Variants in CACNA1I observed in about 807,000 individuals in gnomAD.
The protein encoded by CACNA1I is voltage-dependent T-type calcium channel subunit alpha-1I.
A neutral mutation model predicts 201.6 loss-of-function variants in CACNA1I; 74 were observed. The observed-to-expected ratio is 0.37, with a 90% CI of 0.30 to 0.45. The LOEUF is 0.45. Ranked by LOEUF, CACNA1I falls within the 20% of genes least tolerant of loss-of-function variation. CACNA1I has a pLI of 1.00. For synonymous variants in CACNA1I, 1,431 were observed against 1,345.2 expected (o/e 1.06, Z -1.40); for missense variants, 2,346 against 3,138.1 (o/e 0.75, Z 6.03).
chr22:39,665,938 C>T lies in CACNA1I; in HGVS notation c.4036C>T (p.Arg1346Cys), dbSNP rs1428316723. The part of the protein sequence containing the change: ...LGVDTRNITN[R>C]SDCMAANYRW... Reference sequence around the variant, plus strand: ...CGTGGACACCCGCAACATCACCAACCGCTCGGACTGCATGGCCGCCAACTA... The same window carrying T: ...CGTGGACACCCGCAACATCACCAACTGCTCGGACTGCATGGCCGCCAACTA... The change falls in exon 23 of 37, where the codon CGC becomes TGC. Residue 1346 changes from arginine to cysteine, a missense_variant. Physicochemically the swap from Arg to Cys is radical, Grantham distance 180. Transcript: ENST00000402142. This position sits in a 1 kb window ranked among gnomAD's most constrained non-coding sequence, Gnocchi z 5.5. 1.9e-6 allele frequency: 3 copies of T among 1,613,840 alleles called. No homozygotes were observed. Among genetic ancestry groups the T allele is most frequent in the Admixed American group, 1.7e-5 (1 of 60,034 alleles).
intron 1 of CACNA1I, among the ~76,000 whole-genome samples, chr22:39,591,023 T>C (rs1191388190): frequency 6.6e-6 from 1 of 151,794 alleles, no homozygotes; most frequent in East Asian, 1.9e-4. Context: ...AAAAAATTTT[T>C]TTTTTTTTTT....
intron 3 of CACNA1I, among the ~76,000 whole-genome samples, chr22:39,618,767 A>G (rs1050896708): frequency 1.3e-5 from 2 of 151,926 alleles, no homozygotes; most frequent in African/African-American, 2.4e-5. Context: ...GGCCGGGCCC[A>G]TCTCCCAGTC....
chr22:39,654,302 C>T (rs905835954), intron 10 of CACNA1I, among the ~76,000 whole-genome samples: 5 of 152,242 alleles, frequency 3.3e-5, no homozygotes, highest in Non-Finnish European at 7.3e-5. Context: ...CACACCCATG[C>T]AGGCCCTGAC....
In CACNA1I at chr22:39,685,794, C is replaced by T. The variant is rs577064389; in HGVS notation, c.6061C>T (p.Pro2021Ser). ...GAGCGACACGTCGCTGGACGCCAGC[C>T]CCAGCAGCTCCGCGGGCAGCCTGCA... is the stretch of plus-strand genomic sequence containing the variant. ...TGSDTSLDASPSSSAGSLQTT... is the reference protein window; with the variant it reads ...TGSDTSLDASSSSSAGSLQTT... Residue 2021 changes from proline (P) to serine (S), a missense_variant, in exon 37 of 37, where the codon CCC becomes TCC. Pro to Ser is a moderately conservative substitution (Grantham distance 74). Transcript: ENST00000402142. This position sits in a 1 kb window ranked among gnomAD's most constrained non-coding sequence, Gnocchi z 5.0. 3.8e-4 allele frequency: 566 copies of T among 1,495,674 alleles called. 2 individuals carry two copies. In the African/African-American group the frequency reaches 7.5e-3, roughly 20 times the overall value. 92.7% of individuals were successfully genotyped at this position (1,495,674 alleles called of 1,614,324 possible).
chr22:39,649,880 C>T lies in CACNA1I; in HGVS notation c.1947C>T (p.Ala649=). The change falls in exon 10 of 37, where the codon GCC becomes GCT. Residue 649 remains alanine, a synonymous_variant. Coordinates refer to ENST00000402142, the MANE Select transcript of CACNA1I (RefSeq NM_021096.4). The surrounding 1 kb of genome is among the most constrained non-coding windows in gnomAD (Gnocchi z 7.3). The stretch of plus-strand genomic sequence containing the variant: ...ACTTCAACCGGGGCATCATGATGGC[C>T]ATCCTGGTCAACACCGTCAGCATGG... ...SKYFNRGIMM[A]ILVNTVSMGI... 2 of 1,613,502 alleles carry T rather than the reference C, an allele frequency of 1.2e-6. No homozygotes were observed. Among genetic ancestry groups the T allele is most frequent in the Non-Finnish European group, 8.5e-7 (1 of 1,179,724 alleles).
At chr22:39,586,144 C>T (rs1015220153) in intron 1 of CACNA1I, among the ~76,000 whole-genome samples, 2 of 151,316 alleles carry the variant, frequency 1.3e-5, no homozygotes, top group Middle Eastern at 3.2e-3. Context: ...TGCCATTGTA[C>T]TCTAGTCTGG....
chr22:39,653,218 T>C (rs2146435709), intron 10 of CACNA1I, among the ~76,000 whole-genome samples: 1 of 152,168 alleles, frequency 6.6e-6, no homozygotes, highest in East Asian at 1.9e-4. Flanking sequence ...TGCTTCAGAG[T>C]CTTGTCTGAG....
rs56785111 is a variant in CACNA1I, at chr22:39,668,414, T to A, written c.4194+33T>A. On this transcript the variant is annotated intron_variant, in intron 24 of 36. Coordinates refer to ENST00000402142, the MANE Select transcript of CACNA1I (RefSeq NM_021096.4). ...TAGCTGGGACCAGGCCAAGCCTTGATGCAGGGAGGAACATGGTGTCCTTGG... is the reference window on the plus strand; with the variant it reads ...TAGCTGGGACCAGGCCAAGCCTTGAAGCAGGGAGGAACATGGTGTCCTTGG... 3.9e-4 allele frequency: 549 copies of A among 1,414,754 alleles called. 2 individuals are homozygous for A. The African/African-American group carries it at 7.1e-3, about 18-fold the overall frequency. The allele number at this position is 1,414,754 out of a possible 1,614,324, so 87.6% of individuals were successfully genotyped here. A position where few individuals can be genotyped will look rare whatever the true frequency, so the allele number is the denominator to read the frequency against.
At chr22:39,631,696 T>C (rs991312799) in intron 4 of CACNA1I, among the ~76,000 whole-genome samples, 1 of 152,200 alleles carries the variant, frequency 6.6e-6, no homozygotes, top group Non-Finnish European at 1.5e-5. Context: ...GGTTTCACTT[T>C]CTCCTCTGTC....
rs1175968572 is a variant in CACNA1I at position 39,659,765 on chromosome 22, C to T, written c.2517C>T (p.Ser839=). The T allele has an allele frequency of 6.2e-7, 1 of 1,613,956 alleles. No homozygotes were observed. The highest frequency in any genetic ancestry group is 1.1e-5 in the South Asian group (1 of 91,088). The part of the protein sequence containing the change: ...NGMASTSPWA[S]LYFVALMTFG... ...TGGCCTCCACTTCTCCCTGGGCCTC[C>T]CTCTACTTTGTCGCCCTCATGACCT... The change falls in exon 14 of 37, where the codon TCC becomes TCT. Residue 839 remains serine, a synonymous_variant. Coordinates refer to ENST00000402142, the MANE Select transcript of CACNA1I (RefSeq NM_021096.4). This position sits in a 1 kb window ranked among gnomAD's most constrained non-coding sequence, Gnocchi z 4.3.
At chr22:39,596,650 T>A (rs1374651145) in intron 1 of CACNA1I, among the ~76,000 whole-genome samples, 2 of 151,448 alleles carry the variant, frequency 1.3e-5, no homozygotes, top group Non-Finnish European at 2.9e-5. Context: ...CAGGGTTTTG[T>A]GCTGGGGAGG....
Position 39,629,095 on chromosome 22 carries a change from C to T in CACNA1I, c.581-5470C>T, listed in dbSNP as rs535804347. Among the ~76,000 whole-genome samples the T allele has an allele frequency of 1.3e-5, 2 of 152,274 alleles. No individual in the cohort carries two copies. The highest frequency in any genetic ancestry group is 4.1e-4 in the South Asian group (2 of 4,830). On this transcript the variant is annotated intron_variant, in intron 4 of 36. Transcript: ENST00000402142. The surrounding 1 kb of genome is among the most constrained non-coding windows in gnomAD (Gnocchi z 4.8). Reference sequence around the variant, plus strand: ...AGGTTCTCTCAAGCAGAGGCTCTAGCCTAGGGGTCCCCAAAAAGGGTGAGC... The same window carrying T: ...AGGTTCTCTCAAGCAGAGGCTCTAGTCTAGGGGTCCCCAAAAAGGGTGAGC...
At chr22:39,641,759 G>T (rs1934356655) in intron 6 of CACNA1I, among the ~76,000 whole-genome samples, 1 of 152,216 alleles carries the variant, frequency 6.6e-6, no homozygotes, top group African/African-American at 2.4e-5. Context: ...CCACTGCACT[G>T]ACTGTCAGCC....
chr22:39,608,116 CAA>C (rs147887508), intron 3 of CACNA1I, among the ~76,000 whole-genome samples: 61,424 of 107,084 alleles, frequency 0.57, 16,280 homozygotes, highest in East Asian at 0.64. Flanking sequence ...ACTCCATCTC[CAA>C]AAAAAAAAAA....
Position 39,664,113 on chromosome 22 carries a change from C to G in CACNA1I, c.3620C>G (p.Ser1207Cys), listed in dbSNP as rs763077430. 1 of 1,613,732 alleles carries G rather than the reference C, an allele frequency of 6.2e-7. No individual in the cohort carries two copies. Among genetic ancestry groups the G allele is most frequent in the Admixed American group, 1.7e-5 (1 of 60,006 alleles). ...GSTERIFLTV[S>C]NYIFTAIFVG... is the part of the protein sequence containing the mutation. ...CAGGAACGCATCTTTCTCACCGTGT[C>G]CAACTACATCTTCACGGCCATCTTC... is the stretch of plus-strand genomic sequence containing the variant. The change falls in exon 20 of 37, where the codon TCC becomes TGC. Residue 1207 changes from serine to cysteine, a missense_variant. Around this residue, in one of 13 missense-constraint regions of CACNA1I, gnomAD observed 158 missense variants for 231.6 expected, o/e 0.68. Coordinates refer to ENST00000402142, the MANE Select transcript of CACNA1I (RefSeq NM_021096.4).
At chr22:39,667,525 G>A (rs1935235003) in intron 23 of CACNA1I, among the ~76,000 whole-genome samples, 1 of 152,190 alleles carries the variant, frequency 6.6e-6, no homozygotes, top group African/African-American at 2.4e-5. Context: ...GTGCAAAGAT[G>A]GCACAGGAGG....
In CACNA1I at chr22:39,598,130, T is replaced by C. The variant is rs377530240; in HGVS notation, c.237-21T>C. On this transcript the variant is annotated intron_variant, in intron 1 of 36. Transcript: ENST00000402142. ...CCACGGGCGATCCCACCTGCTGCTT[T>C]GTCCTTGACTTGGTGTGCACGTGGT... is the stretch of plus-strand genomic sequence containing the variant. 7.9e-5 allele frequency: 119 copies of C among 1,509,968 alleles called. No individual in the cohort carries two copies. In the African/African-American group the frequency reaches 1.6e-3, roughly 20 times the overall value. 93.5% of individuals were successfully genotyped at this position (1,509,968 alleles called of 1,614,324 possible). A position where few individuals can be genotyped will look rare whatever the true frequency, so the allele number is the denominator to read the frequency against.
Position 39,662,003 on chromosome 22 carries a change from C to G in CACNA1I, c.2940C>G (p.Arg980=). 1 of 1,564,200 alleles carries G rather than the reference C, an allele frequency of 6.4e-7. No individual in the cohort carries two copies. Among genetic ancestry groups the G allele is most frequent in the Non-Finnish European group, 8.6e-7 (1 of 1,159,932 alleles). ...GCTCCTACTACGGGCCATGGGGCCG[C>G]AGCGCGGCCTGGGCCAGCCGTCGCT... ...SRSSYYGPWG[R]SAAWASRRSS... Residue 980 remains arginine (R), a synonymous_variant, in exon 17 of 37, where the codon CGC becomes CGG. Transcript: ENST00000402142.
At position 39,689,323 on chromosome 22, in the gene CACNA1I, C is replaced by T; in HGVS notation, c.*2918C>T. On this transcript the variant is annotated 3_prime_UTR_variant, in exon 37 of 37. Coordinates refer to ENST00000402142, the MANE Select transcript of CACNA1I (RefSeq NM_021096.4). ...TAAAGGAGGACAAAGTGTGTAAAGC[C>T]CGTCTGCTGTCTTCCCCCAAATCCT... 6.5e-6 allele frequency: 1 copy of T among 152,890 alleles called. No homozygotes were observed. The highest frequency in any genetic ancestry group is 1.9e-4 in the East Asian group (1 of 5,200). 9.5% of individuals were successfully genotyped at this position (152,890 alleles called of 1,614,324 possible).
Sources: gnomAD v4.1 joint callset for allele counts (sites outside exome capture counted in the v4.1 genomes callset) on GRCh38, gnomAD v4.1.1 for gene constraint, gnomAD v4.1.1 regional missense constraint, Gnocchi (gnomAD v3.1) non-coding constraint, MANE v1.5 for transcripts, NCBI Gene and HGNC (gene_info 2026-07-23, HGNC 2026-07-21) for gene names.